The following TRERF1 variants were observed in gnomAD, a reference collection of about 807,000 sequenced individuals.
TRERF1 encodes transcriptional-regulating factor 1.
TRERF1 carries 27 observed loss-of-function variants against 122.9 expected under a neutral mutation model. The observed-to-expected ratio is 0.22, with a 90% CI of 0.16 to 0.30. TRERF1 has a LOEUF of 0.30. TRERF1 is among the 10% of genes least tolerant of loss of function. TRERF1 has a pLI of 1.00. For synonymous variants in TRERF1, 636 were observed against 641.7 expected, an observed-to-expected ratio of 0.99 and a Z score of 0.13; for missense variants, 1,248 against 1,560.3, an observed-to-expected ratio of 0.80 and a Z score of 3.37.
chr6:42,315,803 G>C (rs185376063), intron 3 of TRERF1, among the ~76,000 whole-genome samples: 2 of 151,388 alleles, frequency 1.3e-5, no homozygotes, highest in Non-Finnish European at 2.9e-5. Flanking sequence ...GGCACAGGTT[G>C]GGACCAGTGT....
intron 4 of TRERF1, among the ~76,000 whole-genome samples, chr6:42,290,441 C>T (rs1443158409): frequency 1.3e-5 from 2 of 152,188 alleles, no homozygotes; most frequent in Non-Finnish European, 1.5e-5. Flanking sequence ...TCCCCAGCAA[C>T]TGCTTTTGAG....
intron 4 of TRERF1, among the ~76,000 whole-genome samples, chr6:42,300,376 C>T (rs1441737484): frequency 6.6e-6 from 1 of 152,130 alleles, no homozygotes; most frequent in Non-Finnish European, 1.5e-5. Flanking sequence ...TGTCCAAGGT[C>T]CCAGATTCAG....
intron 16 of TRERF1, 50 bp downstream of exon 16, chr6:42,236,155 T>C (rs1244707373): frequency 6.6e-7 from 1 of 1,524,078 alleles, no homozygotes; most frequent in Admixed American, 2.2e-5. Flanking sequence ...CAGGCACAGC[T>C]ATATGGCTCT....
intron 2 of TRERF1, among the ~76,000 whole-genome samples, chr6:42,375,630 C>T (rs1021276273): frequency 2.6e-5 from 4 of 152,082 alleles, no homozygotes; most frequent in African/African-American, 4.8e-5. Flanking sequence ...CCAGGGACCA[C>T]GAAGAACATG....
intron 3 of TRERF1, among the ~76,000 whole-genome samples, chr6:42,326,842 AAC>A (rs768108634): frequency 1.4e-4 from 22 of 152,224 alleles, no homozygotes; most frequent in Non-Finnish European, 2.6e-4. Flanking sequence ...AATGAATCAG[AAC>A]AGTTTCCTCA....
intron 3 of TRERF1, among the ~76,000 whole-genome samples, chr6:42,349,829 A>G (rs619572): frequency 0.28 from 43,180 of 152,030 alleles, 10,930 homozygotes; most frequent in African/African-American, 0.67. Context: ...AACAATACCA[A>G]TATCCCACTG....
chr6:42,443,799 G>A (rs1335093157), intron 2 of TRERF1, among the ~76,000 whole-genome samples: 1 of 152,132 alleles, frequency 6.6e-6, no homozygotes, highest in Admixed American at 6.5e-5. Flanking sequence ...AACAACAGTG[G>A]GAGTGGACAA....
chr6:42,432,065 C>T (rs1367783075), intron 2 of TRERF1, among the ~76,000 whole-genome samples: 1 of 152,216 alleles, frequency 6.6e-6, no homozygotes. Context: ...CCACTGACAA[C>T]TGTACCATGG....
chr6:42,330,591 C>T (rs928307069), intron 3 of TRERF1, among the ~76,000 whole-genome samples: 5 of 152,112 alleles, frequency 3.3e-5, no homozygotes, highest in Non-Finnish European at 7.4e-5. Context: ...ATCCTTTGAC[C>T]CAGAAATTCT....
chr6:42,245,178 T>C (rs1301530643), intron 14 of TRERF1, among the ~76,000 whole-genome samples: 1 of 152,212 alleles, frequency 6.6e-6, no homozygotes, highest in Non-Finnish European at 1.5e-5. Flanking sequence ...GCCTAAAGGA[T>C]TGAGGTCTAT....
At chr6:42,270,820 T>C (rs532835452) in intron 4 of TRERF1, among the ~76,000 whole-genome samples, 61 of 146,480 alleles carry the variant, frequency 4.2e-4, no homozygotes, top group Middle Eastern at 3.5e-3. Context: ...TTGCCCAGGC[T>C]GGAGAGCAAT....
chr6:42,288,944 T>C (rs1783780955), intron 4 of TRERF1, among the ~76,000 whole-genome samples: 1 of 139,020 alleles, frequency 7.2e-6, no homozygotes, highest in Non-Finnish European at 1.5e-5. Context: ...CATTAAAGTA[T>C]CTTGAACTCT....
chr6:42,340,764 C>T (rs377533843), intron 3 of TRERF1, among the ~76,000 whole-genome samples: 84 of 152,096 alleles, frequency 5.5e-4, no homozygotes, highest in African/African-American at 1.9e-3. Flanking sequence ...CCGCACCCAG[C>T]GGCAAAAAAG....
intron 3 of TRERF1, among the ~76,000 whole-genome samples, chr6:42,323,174 G>C (rs1054224067): frequency 6.6e-6 from 1 of 151,306 alleles, no homozygotes; most frequent in Non-Finnish European, 1.5e-5. Context: ...AGTTGATAAA[G>C]GAGGTGCAAC....
intron 3 of TRERF1, among the ~76,000 whole-genome samples, chr6:42,357,905 C>T (rs968140644): frequency 2.6e-5 from 4 of 152,150 alleles, no homozygotes; most frequent in Non-Finnish European, 5.9e-5. Context: ...CTCCAAAAGG[C>T]GTCTTAAAAA....
intron 3 of TRERF1, among the ~76,000 whole-genome samples, chr6:42,305,926 A>G (rs1787126652): frequency 6.7e-6 from 1 of 149,442 alleles, no homozygotes; most frequent in South Asian, 2.1e-4. Flanking sequence ...AGGAGATGTA[A>G]TTTTCAAGTG....
At chr6:42,449,332 G>A (rs1435080553) in intron 2 of TRERF1, among the ~76,000 whole-genome samples, 2 of 152,262 alleles carry the variant, frequency 1.3e-5, no homozygotes, top group Admixed American at 1.3e-4. Context: ...GCGGAGCCCA[G>A]AGAGGTGTGT....
chr6:42,308,075 A>C (rs550183726), intron 3 of TRERF1, among the ~76,000 whole-genome samples: 2 of 152,350 alleles, frequency 1.3e-5, no homozygotes, highest in East Asian at 3.9e-4. Context: ...CAACACATTT[A>C]AACATTGCAT....
intron 2 of TRERF1, among the ~76,000 whole-genome samples, chr6:42,443,811 G>A (rs1029672651): frequency 1.2e-4 from 19 of 152,182 alleles, no homozygotes; most frequent in African/African-American, 4.3e-4. Context: ...AGTGGACAAG[G>A]GAAATGTTTC....
Sources: gnomAD v4.1 joint callset for allele counts (sites outside exome capture counted in the v4.1 genomes callset) on GRCh38, gnomAD v4.1.1 for gene constraint, MANE v1.5 for transcripts, NCBI Gene and HGNC (gene_info 2026-07-23, HGNC 2026-07-21) for gene names.